Variants in LRP8 observed in about 807,000 individuals in gnomAD.
The protein encoded by LRP8 is low-density lipoprotein receptor-related protein 8.
A neutral mutation model predicts 111.6 loss-of-function variants in LRP8; 46 were observed. That is an observed-to-expected ratio of 0.41 (90% confidence interval 0.33 to 0.53). The LOEUF (loss-of-function observed/expected upper bound fraction) is 0.53. Ranked by LOEUF, LRP8 falls within the 20% of genes least tolerant of loss-of-function variation. LRP8 has a pLI of 0.20. For missense variants in LRP8, 959 were observed against 1,297.4 expected (o/e 0.74, Z 4.01); for synonymous variants, 464 against 511.2 (o/e 0.91, Z 1.24).
In LRP8 at chr1:53,243,178, G is replaced by T. The variant is rs3737984; in HGVS notation, c.*3840C>A. On this transcript the variant is annotated 3_prime_UTR_variant, in exon 19 of 19. Transcript: ENST00000306052. ...GATGAGTGTATGGCTGGAGTTCGGGGGGTAGGGTGGAGAGGCTTGCATTCC... is the reference window on the plus strand; with the variant it reads ...GATGAGTGTATGGCTGGAGTTCGGGTGGTAGGGTGGAGAGGCTTGCATTCC... 58,584 of 151,922 alleles carry T rather than the reference G, an allele frequency of 0.39. 11,863 individuals carry two copies. The highest frequency in any genetic ancestry group is 0.63 in the East Asian group (3,260 of 5,174). The allele number at this position is 151,922 out of a possible 1,614,324, so 9.4% of individuals were successfully genotyped here.
At chr1:53,310,519 A>G (rs1201498394) in intron 2 of LRP8, among the ~76,000 whole-genome samples, 1 of 151,998 alleles carries the variant, frequency 6.6e-6, no homozygotes, top group African/African-American at 2.4e-5. Context: ...TGTGACACCT[A>G]TGATTACTGA....
In LRP8 at chr1:53,327,011, G is replaced by A. The variant is rs531353204; in HGVS notation, c.125-19C>T. 66 of 1,610,556 alleles carry A rather than the reference G, an allele frequency of 4.1e-5. 1 individual carries two copies. In the East Asian group the frequency reaches 7.8e-4, roughly 19 times the overall value. On this transcript the variant is annotated intron_variant, in intron 1 of 18. Coordinates refer to ENST00000306052, the MANE Select transcript of LRP8 (RefSeq NM_004631.5). The stretch of plus-strand genomic sequence containing the variant: ...GCCGGCCCTGCGAGGGGGAGGGAGC[G>A]TGAGCTGGATCAGCGGACTCGGCCC...
intron 2 of LRP8, among the ~76,000 whole-genome samples, chr1:53,312,180 G>T (rs1653121851): frequency 1.3e-5 from 2 of 152,200 alleles, no homozygotes; most frequent in Admixed American, 1.3e-4. Flanking sequence ...CAGAGATGGG[G>T]AAACAGGCCA....
chr1:53,271,697 C>T (rs560305522), intron 6 of LRP8, among the ~76,000 whole-genome samples: 4 of 152,260 alleles, frequency 2.6e-5, no homozygotes, highest in African/African-American at 4.8e-5. Context: ...TTTCTCACAG[C>T]GCCTCCTTCC....
chr1:53,299,413 C>G (rs1264222076), intron 2 of LRP8, among the ~76,000 whole-genome samples: 1 of 152,258 alleles, frequency 6.6e-6, no homozygotes, highest in Non-Finnish European at 1.5e-5. Context: ...AGGAGCCTCA[C>G]TGGCCCATCC....
rs1040095478 is a variant in LRP8, at chr1:53,275,337, G to A, written c.1006+294C>T. ...CTCTGCTCAGCCTGGGAACTAGTGA[G>A]GGAAGCCACTCACCAGCTGGGACCT... On this transcript the variant is annotated intron_variant, in intron 6 of 18. Transcript: ENST00000306052. This position sits in a 1 kb window ranked among gnomAD's most constrained non-coding sequence, Gnocchi z 4.4. 1.3e-5 allele frequency among the ~76,000 whole-genome samples: 2 copies of A among 152,184 alleles called. No homozygotes were observed. The highest frequency in any genetic ancestry group is 2.9e-5 in the Non-Finnish European group (2 of 68,016).
rs370062744 is a variant in LRP8 at position 53,319,099 on chromosome 1, C to T, written c.244+7774G>A. Among the ~76,000 whole-genome samples, 6 of 152,336 alleles carry T rather than the reference C, an allele frequency of 3.9e-5. No individual in the cohort carries two copies. The East Asian group carries it at 9.7e-4, about 25-fold the overall frequency. ...AATAACTGGGTGAGTCTCTTATCCT[C>T]TCTGAGCCTCGTTTTCCTCATCAAG... On this transcript the variant is annotated intron_variant, in intron 2 of 18. Transcript: ENST00000306052.
chr1:53,315,120 C>T (rs898225056), intron 2 of LRP8, among the ~76,000 whole-genome samples: 1 of 152,202 alleles, frequency 6.6e-6, no homozygotes, highest in Admixed American at 6.5e-5. Context: ...TCCTTCTGCA[C>T]CCCACCCCTC....
chr1:53,314,259 C>T (rs1182440787), intron 2 of LRP8, among the ~76,000 whole-genome samples: 2 of 151,040 alleles, frequency 1.3e-5, no homozygotes, highest in Non-Finnish European at 2.9e-5. Flanking sequence ...CCTTTGCCTC[C>T]AGGCACGGCA....
At chr1:53,287,454 C>T (rs148305744) in intron 3 of LRP8, among the ~76,000 whole-genome samples, 201 of 152,174 alleles carry the variant, frequency 1.3e-3, no homozygotes, top group African/African-American at 4.4e-3. Flanking sequence ...TCTGGAATTC[C>T]GGAGTGTTAC....
At chr1:53,264,124 G>A (rs1448917418) in intron 10 of LRP8, 45 bp downstream of exon 10, 2 of 1,573,512 alleles carry the variant, frequency 1.3e-6, no homozygotes, top group South Asian at 2.2e-5. Flanking sequence ...CAAGAGGACT[G>A]AGCACCTATG....
At position 53,246,479 on chromosome 1, in the gene LRP8, A is replaced by C. The variant is rs2100328234; in HGVS notation, c.*539T>G. The C allele has an allele frequency of 6.6e-6, 1 of 152,662 alleles. No individual in the cohort carries two copies. Among genetic ancestry groups the C allele is most frequent in the East Asian group, 1.9e-4 (1 of 5,182 alleles). The allele number at this position is 152,662 out of a possible 1,614,324, so 9.5% of individuals were successfully genotyped here. ...AAAAATAAATACTCTCACTTCTCTA[A>C]ATTATTTATAGAACTCATCTGATTT... On this transcript the variant is annotated 3_prime_UTR_variant, in exon 19 of 19. Coordinates refer to ENST00000306052, the MANE Select transcript of LRP8 (RefSeq NM_004631.5).
chr1:53,278,857 T>A (rs796620289), intron 4 of LRP8, among the ~76,000 whole-genome samples: 7 of 149,722 alleles, frequency 4.7e-5, no homozygotes, highest in African/African-American at 1.7e-4. Flanking sequence ...CAACCCCACC[T>A]CCTGCGTTCC....
At chr1:53,292,383 T>C (rs1163972892) in intron 2 of LRP8, among the ~76,000 whole-genome samples, 3 of 152,222 alleles carry the variant, frequency 2.0e-5, no homozygotes, top group African/African-American at 7.2e-5. Context: ...AAATACAGCA[T>C]GGCAGGGATA....
rs541848149 is a variant in LRP8 at position 53,314,692 on chromosome 1, G to A, written c.244+12181C>T. On this transcript the variant is annotated intron_variant, in intron 2 of 18. Coordinates refer to ENST00000306052, the MANE Select transcript of LRP8 (RefSeq NM_004631.5). ...GTCAGTGGGTGAGCGCCCAGTCCCC[G>A]GACGCATTGGACCCCCTGACCTCCA... Among the ~76,000 whole-genome samples the A allele has an allele frequency of 2.6e-5, 4 of 152,266 alleles. No homozygotes were observed. The East Asian group carries it at 7.7e-4, about 29-fold the overall frequency.
chr1:53,247,078 TTCA>T (rs1374035798), intron 18 of LRP8, 22 bp from the exon 19 acceptor site: 1 of 1,577,656 alleles, frequency 6.3e-7, no homozygotes. Context: ...AACCAAAGAA[TTCA>T]TCATTAGATC....
rs536155311 is a variant in LRP8, at chr1:53,298,750, G to T, written c.245-9061C>A. 2.2e-3 allele frequency among the ~76,000 whole-genome samples: 340 copies of T among 152,338 alleles called. 3 individuals are homozygous for T. The highest frequency in any genetic ancestry group is 4.3e-3 in the Non-Finnish European group (293 of 68,018). On this transcript the variant is annotated intron_variant, in intron 2 of 18. Coordinates refer to ENST00000306052, the MANE Select transcript of LRP8 (RefSeq NM_004631.5). ...CACCTTCCTGGCTAACCCCAGCCAG[G>T]CCCCCTGGGGCTGATGGGTCCACAG... is the stretch of plus-strand genomic sequence containing the variant.
Position 53,281,297 on chromosome 1 carries a change from T to C in LRP8, c.368-582A>G, listed in dbSNP as rs978682867. 6.6e-5 allele frequency among the ~76,000 whole-genome samples: 10 copies of C among 152,324 alleles called. No individual in the cohort carries two copies. In the East Asian group the frequency reaches 1.9e-3, roughly 29 times the overall value. On this transcript the variant is annotated intron_variant, in intron 3 of 18. Coordinates refer to ENST00000306052, the MANE Select transcript of LRP8 (RefSeq NM_004631.5). ...GCAGGGCCCAGCGGGACTGCATAGCTATAATTACTGCAGCCGCAATCAGAG... is the reference window on the plus strand; with the variant it reads ...GCAGGGCCCAGCGGGACTGCATAGCCATAATTACTGCAGCCGCAATCAGAG...
At chr1:53,258,741 A>AT (rs58825423) in intron 13 of LRP8, among the ~76,000 whole-genome samples, 24,684 of 146,226 alleles carry the variant, frequency 0.17, 2,290 homozygotes, top group African/African-American at 0.26. Context: ...CTAATGTGTA[A>AT]TTTTTTTTTT....
Sources: allele counts gnomAD v4.1 joint callset (sites outside exome capture counted in the v4.1 genomes callset), GRCh38; gene constraint gnomAD v4.1.1; non-coding constraint Gnocchi (gnomAD v3.1); transcripts MANE v1.5; gene names NCBI Gene and HGNC (gene_info 2026-07-23, HGNC 2026-07-21).